Variants in CFAP54 observed in about 807,000 individuals in gnomAD.
CFAP54 encodes the protein cilia and flagella associated protein 54.
A neutral mutation model predicts 370.4 loss-of-function variants in CFAP54; 290 were observed. That is an observed-to-expected ratio of 0.78 (90% confidence interval 0.71 to 0.86). CFAP54 has a LOEUF of 0.86. CFAP54 is among the 40% of genes least tolerant of loss of function. The probability of loss-of-function intolerance (pLI) is 0.00; values close to 1 mark genes in which losing one functional copy is unlikely to be tolerated. For missense variants in CFAP54, 3,399 were observed against 3,528.7 expected (o/e 0.96, Z 0.93); for synonymous variants, 1,206 against 1,236.5 (o/e 0.98, Z 0.52).
intron 26 of CFAP54, among the ~76,000 whole-genome samples, chr12:96,599,221 A>G (rs1281421877): frequency 2.3e-5 from 3 of 129,390 alleles, no homozygotes; most frequent in African/African-American, 6.1e-5. Context: ...ATGTGTTCTC[A>G]TTGTTCAGCT....
chr12:96,672,594 C>T (rs903916381), intron 39 of CFAP54, among the ~76,000 whole-genome samples: 2 of 152,152 alleles, frequency 1.3e-5, no homozygotes, highest in South Asian at 2.1e-4. Context: ...AATCAGATTA[C>T]CCCTCATAGT....
intron 63 of CFAP54, among the ~76,000 whole-genome samples, chr12:96,799,123 G>A (rs569132347): frequency 3.9e-5 from 6 of 152,284 alleles, no homozygotes; most frequent in Admixed American, 1.3e-4. Context: ...GGAAGGAGGG[G>A]ACAAGTATTT....
rs756923183 is a variant in CFAP54 at position 96,630,531 on chromosome 12, A to G, written c.4216-20A>G. 2 of 1,278,086 alleles carry G rather than the reference A, an allele frequency of 1.6e-6. No individual in the cohort carries two copies. Among genetic ancestry groups the G allele is most frequent in the South Asian group, 1.6e-5 (1 of 63,282 alleles). 79.2% of individuals were successfully genotyped at this position (1,278,086 alleles called of 1,614,324 possible). ...TCAAAGTTTAAATTTAACTTGTAAC[A>G]TTTTATCTCCTCTATTAAGAGTGCA... On this transcript the variant is annotated intron_variant, in intron 31 of 67. Transcript: ENST00000524981.
chr12:96,802,229 A>G (rs746216649), intron 63 of CFAP54, among the ~76,000 whole-genome samples: 1 of 152,162 alleles, frequency 6.6e-6, no homozygotes. Context: ...TCGAGACTCA[A>G]GCAGACTGCA....
intron 48 of CFAP54, among the ~76,000 whole-genome samples, chr12:96,710,800 C>T (rs988456741): frequency 7.2e-5 from 11 of 152,066 alleles, no homozygotes; most frequent in African/African-American, 2.7e-4. Context: ...ACTGGGATTA[C>T]AGGTTCCTGC....
At chr12:96,694,563 A>G (rs982621974) in intron 45 of CFAP54, among the ~76,000 whole-genome samples, 1 of 152,168 alleles carries the variant, frequency 6.6e-6, no homozygotes, top group Non-Finnish European at 1.5e-5. Context: ...TTTACTAAAA[A>G]TTAGGAAGAC....
chr12:96,870,241 CAG>C (rs1960120560), intron 67 of CFAP54, among the ~76,000 whole-genome samples: 1 of 150,650 alleles, frequency 6.6e-6, no homozygotes, highest in Admixed American at 6.6e-5. Context: ...AGCCTGGCGA[CAG>C]AGTGAGACTC....
rs542293264 is a variant in CFAP54, at chr12:96,592,300, C to A, written c.3213-190C>A. Among the ~76,000 whole-genome samples, 10 of 152,262 alleles carry A rather than the reference C, an allele frequency of 6.6e-5. No homozygotes were observed. In the East Asian group the frequency reaches 1.9e-3, roughly 29 times the overall value. On this transcript the variant is annotated intron_variant, in intron 23 of 67. Coordinates refer to ENST00000524981, the MANE Select transcript of CFAP54 (RefSeq NM_001306084.2). ...ATTGCCACTAATTAATTTTGTGTAT[C>A]TGTGACATAATATTTCAGTAGTTTA...
chr12:96,773,422 A>G (rs1958483162), intron 60 of CFAP54, among the ~76,000 whole-genome samples: 2 of 152,226 alleles, frequency 1.3e-5, no homozygotes, highest in South Asian at 2.1e-4. Flanking sequence ...CACTGAATTT[A>G]TAATACCTAA....
rs140749058 is a variant in CFAP54 at position 96,742,628 on chromosome 12, T to C, written c.7219+42T>C. 114 of 1,550,626 alleles carry C rather than the reference T, an allele frequency of 7.4e-5. No individual in the cohort carries two copies. In the African/African-American group the frequency reaches 1.3e-3, roughly 18 times the overall value. On this transcript the variant is annotated intron_variant, in intron 52 of 67. Coordinates refer to ENST00000524981, the MANE Select transcript of CFAP54 (RefSeq NM_001306084.2). ...AATCAATGTTTTCATAAAAATTAAT[T>C]TTACATAGGTGAAGAGGGGTTTATT...
At chr12:96,861,018 C>A in intron 67 of CFAP54, 66 bp downstream of exon 67, 3 of 1,187,626 alleles carry the variant, frequency 2.5e-6, no homozygotes. Context: ...TGGAACGGTC[C>A]TCTTATAACA....
At chr12:96,719,410 A>G (rs1347266364) in intron 49 of CFAP54, among the ~76,000 whole-genome samples, 3 of 152,198 alleles carry the variant, frequency 2.0e-5, no homozygotes, top group African/African-American at 7.2e-5. Context: ...GTCACTTGAA[A>G]GATTGGTTGG....
At chr12:96,539,312 G>A (rs1347086895) in intron 13 of CFAP54, among the ~76,000 whole-genome samples, 1 of 151,784 alleles carries the variant, frequency 6.6e-6, no homozygotes, top group Non-Finnish European at 1.5e-5. Flanking sequence ...ACCTGCTTTG[G>A]TCTCTCAAAG....
chr12:96,778,084 A>G (rs1413110111), intron 60 of CFAP54, among the ~76,000 whole-genome samples: 1 of 152,276 alleles, frequency 6.6e-6, no homozygotes, highest in South Asian at 2.1e-4. Context: ...AGGCAAAAGT[A>G]TAATTCTGCA....
chr12:96,788,456 A>G (rs948663751), intron 62 of CFAP54, among the ~76,000 whole-genome samples: 3 of 152,218 alleles, frequency 2.0e-5, no homozygotes, highest in Admixed American at 6.5e-5. Context: ...ATTTTGAATT[A>G]TCTCTACTTT....
intron 58 of CFAP54, among the ~76,000 whole-genome samples, chr12:96,759,327 A>C (rs1242594434): frequency 1.3e-5 from 2 of 151,978 alleles, no homozygotes; most frequent in South Asian, 4.1e-4. Context: ...AGCAGGTGGC[A>C]ATACAAATTA....
At chr12:96,760,395 T>C (rs901586010) in intron 58 of CFAP54, among the ~76,000 whole-genome samples, 12 of 152,234 alleles carry the variant, frequency 7.9e-5, no homozygotes, top group African/African-American at 2.7e-4. Context: ...TAGAACATTT[T>C]CATCATCCCA....
intron 48 of CFAP54, among the ~76,000 whole-genome samples, chr12:96,717,844 G>T (rs1957702935): frequency 6.6e-6 from 1 of 152,112 alleles, no homozygotes. Context: ...TATATCAGTA[G>T]CCAATAACTT....
chr12:96,584,853 A>G (rs1956061177), intron 22 of CFAP54, among the ~76,000 whole-genome samples: 1 of 152,066 alleles, frequency 6.6e-6, no homozygotes, highest in Non-Finnish European at 1.5e-5. Context: ...TTTTCTCTAA[A>G]CATTAGCTTT....
Sources: gnomAD v4.1 joint callset for allele counts (sites outside exome capture counted in the v4.1 genomes callset) on GRCh38, gnomAD v4.1.1 for gene constraint, MANE v1.5 for transcripts, NCBI Gene and HGNC (gene_info 2026-07-23, HGNC 2026-07-21) for gene names.